The following CHCHD6 variants were observed in gnomAD, a reference collection of about 807,000 sequenced individuals.
The protein encoded by CHCHD6 is coiled-coil-helix-coiled-coil-helix domain containing 6.
A neutral mutation model predicts 32.3 loss-of-function variants in CHCHD6; 28 were observed. That is an observed-to-expected ratio of 0.87 (90% CI 0.64 to 1.19). The LOEUF (loss-of-function observed/expected upper bound fraction) is 1.19, where lower values mean the gene tolerates loss of function less well. Among genes scored for constraint, CHCHD6 ranks in the 50% most tolerant of loss-of-function variants. The probability of loss-of-function intolerance (pLI) is 0.00; values close to 1 mark genes in which losing one functional copy is unlikely to be tolerated. For synonymous variants in CHCHD6, 122 were observed against 117.5 expected, an observed-to-expected ratio of 1.04 and a Z score of -0.25; for missense variants, 333 against 307.0, an observed-to-expected ratio of 1.08 and a Z score of -0.63.
chr3:126,711,052 G>T (rs1262014213), intron 1 of CHCHD6, among the ~76,000 whole-genome samples: 1 of 152,098 alleles, frequency 6.6e-6, no homozygotes, highest in Non-Finnish European at 1.5e-5. Context: ...TAGGTGTAGG[G>T]TTTTCGTAGA....
At chr3:126,887,932 C>T (rs772143837) in intron 5 of CHCHD6, among the ~76,000 whole-genome samples, 28 of 152,232 alleles carry the variant, frequency 1.8e-4, no homozygotes, top group Non-Finnish European at 3.5e-4. Context: ...ATAAGAACTC[C>T]ACTTTTATCT....
intron 6 of CHCHD6, among the ~76,000 whole-genome samples, chr3:126,950,378 G>A (rs1373354342): frequency 2.0e-5 from 3 of 152,184 alleles, no homozygotes; most frequent in Non-Finnish European, 4.4e-5. Context: ...CAGGAAAGCC[G>A]AGCACTAGAA....
chr3:126,730,364 A>G (rs1462899159), intron 2 of CHCHD6, among the ~76,000 whole-genome samples, 197 bp from the exon 3 acceptor site: 1 of 152,210 alleles, frequency 6.6e-6, no homozygotes, highest in Non-Finnish European at 1.5e-5. Flanking sequence ...GGCTTGGATC[A>G]TCTGGCTTTC....
At chr3:126,896,880 C>T (rs1435677236) in intron 5 of CHCHD6, among the ~76,000 whole-genome samples, 1 of 152,104 alleles carries the variant, frequency 6.6e-6, no homozygotes, top group African/African-American at 2.4e-5. Context: ...GGAGGTGGGC[C>T]CTCACCTCCT....
chr3:126,859,369 G>T lies in CHCHD6; in HGVS notation c.495+6639G>T, dbSNP rs1297797349. Among the ~76,000 whole-genome samples, 3 of 152,312 alleles carry T rather than the reference G, an allele frequency of 2.0e-5. No homozygotes were observed. The South Asian group carries it at 6.2e-4, about 32-fold the overall frequency. ...GGGAGGCCACAGGTGGTACAGCTGG[G>T]AAAACAGGCTGGCCTGAGAAAGAAT... On this transcript the variant is annotated intron_variant, in intron 5 of 7. Transcript: ENST00000290913.
intron 4 of CHCHD6, among the ~76,000 whole-genome samples, chr3:126,789,880 A>G (rs375291196): frequency 9.3e-5 from 13 of 139,906 alleles, no homozygotes; most frequent in South Asian, 2.3e-4. Flanking sequence ...ATGTTAGCTG[A>G]TTATTTTGCT....
intron 2 of CHCHD6, among the ~76,000 whole-genome samples, 154 bp downstream of exon 2, chr3:126,727,340 G>C (rs1405257061): frequency 6.6e-6 from 1 of 152,194 alleles, no homozygotes; most frequent in African/African-American, 2.4e-5. Context: ...GGAAGAGCAT[G>C]GCTTTCTGGG....
At chr3:126,714,076 CAAAAAAAAAA>C (rs1157910763) in intron 1 of CHCHD6, among the ~76,000 whole-genome samples, 2 of 28,880 alleles carry the variant, frequency 6.9e-5, no homozygotes, top group African/African-American at 2.5e-4. Context: ...GACTGCATCT[CAAAAAAAAAA>C]AAAAAAAAAA....
intron 4 of CHCHD6, among the ~76,000 whole-genome samples, chr3:126,850,963 G>C (rs183913669): frequency 6.6e-6 from 1 of 152,300 alleles, no homozygotes; most frequent in East Asian, 1.9e-4. Context: ...CATTCCAGAA[G>C]CCTTCCTGGC....
chr3:126,779,805 A>G (rs1302474434), intron 4 of CHCHD6, among the ~76,000 whole-genome samples: 1 of 152,196 alleles, frequency 6.6e-6, no homozygotes, highest in East Asian at 1.9e-4. Context: ...ATAAATACAG[A>G]TATTAAGCAC....
chr3:126,860,312 T>C (rs1941813290), intron 5 of CHCHD6, among the ~76,000 whole-genome samples: 1 of 152,198 alleles, frequency 6.6e-6, no homozygotes, highest in South Asian at 2.1e-4. Flanking sequence ...GTGAGGGATC[T>C]GAGCCCAAGG....
intron 4 of CHCHD6, among the ~76,000 whole-genome samples, chr3:126,837,481 C>T (rs984097077): frequency 1.3e-5 from 2 of 152,084 alleles, no homozygotes; most frequent in Non-Finnish European, 2.9e-5. Flanking sequence ...TGGCTTGTGC[C>T]CAGGAGGTCG....
chr3:126,947,887 T>G (rs968442306), intron 6 of CHCHD6, among the ~76,000 whole-genome samples: 2 of 152,102 alleles, frequency 1.3e-5, no homozygotes, highest in African/African-American at 4.8e-5. Context: ...ATTATGTGGG[T>G]TAAGGTGAGT....
At chr3:126,903,803 C>T (rs1331457833) in intron 5 of CHCHD6, among the ~76,000 whole-genome samples, 1 of 152,132 alleles carries the variant, frequency 6.6e-6, no homozygotes, top group Non-Finnish European at 1.5e-5. Flanking sequence ...CCTTGTCTGC[C>T]CTCACATGAC....
At position 126,814,642 on chromosome 3, in the gene CHCHD6, C is replaced by T. The variant is rs181124539; in HGVS notation, c.412-38005C>T. 5.9e-5 allele frequency among the ~76,000 whole-genome samples: 9 copies of T among 152,314 alleles called. No homozygotes were observed. In the East Asian group the frequency reaches 7.7e-4, roughly 13 times the overall value. ...ACTTAGAAGTTCCTGGAGAGTGGTA[C>T]GCCCAGGGAGGACACAGAAGCTCGG... On this transcript the variant is annotated intron_variant, in intron 4 of 7. Transcript: ENST00000290913.
intron 4 of CHCHD6, among the ~76,000 whole-genome samples, chr3:126,815,256 C>T (rs948132416): frequency 2.6e-5 from 4 of 152,166 alleles, no homozygotes; most frequent in African/African-American, 9.7e-5. Flanking sequence ...CCTGATCCTT[C>T]AGTATCAGCA....
intron 5 of CHCHD6, among the ~76,000 whole-genome samples, chr3:126,861,276 T>G (rs563516782): frequency 1.3e-5 from 2 of 152,116 alleles, no homozygotes; most frequent in African/African-American, 4.8e-5. Flanking sequence ...GTGGTTAAGG[T>G]CACAGGCTCT....
intron 5 of CHCHD6, among the ~76,000 whole-genome samples, chr3:126,889,865 G>T (rs1198746969): frequency 2.0e-5 from 3 of 152,262 alleles, no homozygotes; most frequent in Admixed American, 1.3e-4. Context: ...TCCGCAGAAA[G>T]CGTTCCAGCA....
At chr3:126,855,190 G>A (rs1425565595) in intron 5 of CHCHD6, among the ~76,000 whole-genome samples, 1 of 152,160 alleles carries the variant, frequency 6.6e-6, no homozygotes, top group African/African-American at 2.4e-5. Context: ...ACACAGACAG[G>A]GGCCTTGTGA....
Sources: gnomAD v4.1 joint callset for allele counts (sites outside exome capture counted in the v4.1 genomes callset) on GRCh38, gnomAD v4.1.1 for gene constraint, MANE v1.5 for transcripts, NCBI Gene and HGNC (gene_info 2026-07-23, HGNC 2026-07-21) for gene names.